ARMC1: variants seen among roughly 807,000 people sequenced by gnomAD.
ARMC1 encodes the protein armadillo repeat-containing protein 1.
A neutral mutation model predicts 31.4 loss-of-function variants in ARMC1; 16 were observed. The ratio of observed to expected loss-of-function variants is 0.51; its 90% CI spans 0.34 to 0.77. ARMC1 has a LOEUF of 0.77. Among genes scored for constraint, ARMC1 ranks in the 30% least tolerant of loss-of-function variants. ARMC1 has a pLI of 0.01. For missense variants in ARMC1, 259 were observed against 347.5 expected, an observed-to-expected ratio of 0.75 and a Z score of 2.02; for synonymous variants, 114 against 118.9, an observed-to-expected ratio of 0.96 and a Z score of 0.27.
chr8:65,614,653 C>A (rs1808212973), intron 3 of ARMC1, among the ~76,000 whole-genome samples: 1 of 152,208 alleles, frequency 6.6e-6, no homozygotes, highest in Admixed American at 6.5e-5. Context: ...TCCATCAGCT[C>A]ATTTTGTCCT....
chr8:65,615,861 C>T (rs1316548251), intron 3 of ARMC1, among the ~76,000 whole-genome samples: 1 of 151,906 alleles, frequency 6.6e-6, no homozygotes, highest in Non-Finnish European at 1.5e-5. Flanking sequence ...TGCCATTGCA[C>T]TCCAGCGTGG....
At chr8:65,608,864 G>T (rs998976111) in intron 4 of ARMC1, among the ~76,000 whole-genome samples, 1 of 151,872 alleles carries the variant, frequency 6.6e-6, no homozygotes, top group Non-Finnish European at 1.5e-5. Flanking sequence ...AGCCAAGATC[G>T]TGTCACACTG....
intron 3 of ARMC1, 77 bp from the exon 4 acceptor site, chr8:65,613,510 CCTTGT>C: frequency 9.5e-7 from 1 of 1,053,864 alleles, no homozygotes; most frequent in Non-Finnish European, 1.3e-6. Flanking sequence ...CTAAAAGGAG[CCTTGT>C]TTCTTTTACT....
At chr8:65,616,282 G>A (rs911464218) in intron 3 of ARMC1, among the ~76,000 whole-genome samples, 13 of 152,160 alleles carry the variant, frequency 8.5e-5, no homozygotes, top group Non-Finnish European at 1.5e-5. Context: ...GCAGGCACGC[G>A]CTGCCACGCC....
Position 65,604,131 on chromosome 8 carries a change from A to G in ARMC1, c.*263T>C. 1 of 334,002 alleles carries G rather than the reference A, an allele frequency of 3.0e-6. No homozygotes were observed. Among genetic ancestry groups the G allele is most frequent in the Non-Finnish European group, 5.5e-6 (1 of 180,794 alleles). The allele number at this position is 334,002 out of a possible 1,614,324, so 20.7% of individuals were successfully genotyped here. On this transcript the variant is annotated 3_prime_UTR_variant, in exon 7 of 7. Transcript: ENST00000276569. Reference sequence around the variant, plus strand: ...CACATGTGGTTTTAACAGTGGACCCATGGTTTTTAAATATGAGGCAATTAA... The same window carrying G: ...CACATGTGGTTTTAACAGTGGACCCGTGGTTTTTAAATATGAGGCAATTAA...
intron 3 of ARMC1, among the ~76,000 whole-genome samples, chr8:65,620,157 T>G (rs1231102313): frequency 6.6e-6 from 1 of 151,270 alleles, no homozygotes; most frequent in Non-Finnish European, 1.5e-5. Flanking sequence ...AAAGAAAAAT[T>G]TTAGAGCAGC....
At chr8:65,631,883 T>TAAAAAAAAAAAAA (rs61273646) in intron 1 of ARMC1, among the ~76,000 whole-genome samples, 1 of 140,058 alleles carries the variant, frequency 7.1e-6, no homozygotes, top group African/African-American at 2.7e-5. Context: ...CCCTGTCTCT[T>TAAAAAAAAAAAAA]AAAAAAAAAA....
rs1215845044 is a variant in ARMC1, at chr8:65,627,286, T to C, written c.113A>G (p.Gln38Arg). 1.9e-6 allele frequency: 3 copies of C among 1,613,262 alleles called. No homozygotes were observed. Among genetic ancestry groups the C allele is most frequent in the East Asian group, 2.2e-5 (1 of 44,870 alleles). ...TAAAATAAGGCCAGGCAGACATCCC[T>C]GATCCTGGACGATGGCTCTTCTGTT... Reference protein sequence around the residue: ...PLNRRAIVQDQGCLPGLILFM... With the variant: ...PLNRRAIVQDRGCLPGLILFM... The change falls in exon 2 of 7, where the codon CAG becomes CGG. Residue 38 changes from glutamine to arginine, a missense_variant. This residue lies in a region of ARMC1 where 163 missense variants were observed against 186.7 expected (regional missense o/e 0.87). Transcript: ENST00000276569.
intron 1 of ARMC1, among the ~76,000 whole-genome samples, chr8:65,632,505 C>T (rs1808667478): frequency 6.6e-6 from 1 of 151,908 alleles, no homozygotes; most frequent in South Asian, 2.1e-4. Context: ...CCCAGCTACT[C>T]GGGAGGCTGG....
At chr8:65,633,786 G>A (rs895676560) in intron 1 of ARMC1, 3 of 152,428 alleles carry the variant, frequency 2.0e-5, no homozygotes, top group East Asian at 3.9e-4. Flanking sequence ...CAGATGTGAG[G>A]GGGGACAAAG....
chr8:65,627,284 C>G lies in ARMC1; in HGVS notation c.115G>C (p.Gly39Arg). The change falls in exon 2 of 7, where the codon GGA (glycine) becomes CGA (arginine). Residue 39 changes from glycine (G) to arginine (R), a missense_variant. Around this residue, in one of 3 missense-constraint regions of ARMC1, gnomAD observed 163 missense variants for 186.7 expected, o/e 0.87. Transcript: ENST00000276569. The stretch of plus-strand genomic sequence containing the variant: ...AATAAAATAAGGCCAGGCAGACATC[C>G]CTGATCCTGGACGATGGCTCTTCTG... ...LNRRAIVQDQ[G>R]CLPGLILFMD... 6.2e-7 allele frequency: 1 copy of G among 1,613,216 alleles called. No homozygotes were observed.
At chr8:65,619,801 T>C (rs549183357) in intron 3 of ARMC1, among the ~76,000 whole-genome samples, 1 of 151,970 alleles carries the variant, frequency 6.6e-6, no homozygotes, top group South Asian at 2.1e-4. Flanking sequence ...CTGGCCAACA[T>C]GGTCAAATCC....
intron 3 of ARMC1, among the ~76,000 whole-genome samples, chr8:65,618,113 G>T (rs990007509): frequency 2.6e-5 from 4 of 151,944 alleles, no homozygotes; most frequent in African/African-American, 9.7e-5. Context: ...ATGGGGTTTC[G>T]CCATGTTGGT....
At chr8:65,607,574 G>C (rs995965877) in intron 4 of ARMC1, among the ~76,000 whole-genome samples, 1 of 152,146 alleles carries the variant, frequency 6.6e-6, no homozygotes. Context: ...CTAGCTCCAA[G>C]AGAGCAAAAA....
intron 2 of ARMC1, among the ~76,000 whole-genome samples, chr8:65,626,554 T>G (rs149185902): frequency 6.4e-4 from 97 of 151,938 alleles, no homozygotes; most frequent in African/African-American, 2.2e-3. Context: ...TTTAAATGAG[T>G]GAATTATATG....
At chr8:65,608,456 G>T (rs534589008) in intron 4 of ARMC1, among the ~76,000 whole-genome samples, 1 of 151,980 alleles carries the variant, frequency 6.6e-6, no homozygotes, top group East Asian at 1.9e-4. Flanking sequence ...TTGAACCCAG[G>T]GGGTGGAGGT....
At position 65,602,966 on chromosome 8, in the gene ARMC1, T is replaced by C. The variant is rs2129040326; in HGVS notation, c.*1428A>G. On this transcript the variant is annotated 3_prime_UTR_variant, in exon 7 of 7. Transcript: ENST00000276569. ...GTGAACTCAAGACTCTCACTGATGA[T>C]GGTATTTTACAATGAAAACACAAGG... 1 of 152,292 alleles carries C rather than the reference T, an allele frequency of 6.6e-6. No homozygotes were observed. The highest frequency in any genetic ancestry group is 2.1e-4 in the South Asian group (1 of 4,828). The allele number at this position is 152,292 out of a possible 1,614,324, so 9.4% of individuals were successfully genotyped here.
rs1167076495 is a variant in ARMC1, at chr8:65,603,026, T to A, written c.*1368A>T. 4 of 152,282 alleles carry A rather than the reference T, an allele frequency of 2.6e-5. No homozygotes were observed. The highest frequency in any genetic ancestry group is 4.1e-4 in the South Asian group (2 of 4,826). The allele number at this position is 152,282 out of a possible 1,614,324, so 9.4% of individuals were successfully genotyped here. A position where few individuals can be genotyped will look rare whatever the true frequency, so the allele number is the denominator to read the frequency against. ...GAGGTCCAATTTTCACATCATATTCTCCAAATAGTAAAATAGCAGCTCTAC... is the reference window on the plus strand; with the variant it reads ...GAGGTCCAATTTTCACATCATATTCACCAAATAGTAAAATAGCAGCTCTAC... On this transcript the variant is annotated 3_prime_UTR_variant, in exon 7 of 7. Coordinates refer to ENST00000276569, the MANE Select transcript of ARMC1 (RefSeq NM_018120.6).
chr8:65,632,902 A>C lies in ARMC1; in HGVS notation c.-36+1096T>G, dbSNP rs188667351. 8.3e-4 allele frequency: 126 copies of C among 152,390 alleles called. 1 individual carries two copies. Among genetic ancestry groups the C allele is most frequent in the Admixed American group, 2.9e-3 (45 of 15,308 alleles). The allele number at this position is 152,390 out of a possible 1,614,324, so 9.4% of individuals were successfully genotyped here. On this transcript the variant is annotated intron_variant, in intron 1 of 6. Coordinates refer to ENST00000276569, the MANE Select transcript of ARMC1 (RefSeq NM_018120.6). The stretch of plus-strand genomic sequence containing the variant: ...ATGTGAAAAGACTTTTTATACCTTT[A>C]CTTTCTCTTGTTTAGTTCAACTTGG...
Sources: gnomAD v4.1 joint callset for allele counts (sites outside exome capture counted in the v4.1 genomes callset) on GRCh38, gnomAD v4.1.1 for gene constraint, gnomAD v4.1.1 regional missense constraint, MANE v1.5 for transcripts, NCBI Gene and HGNC (gene_info 2026-07-23, HGNC 2026-07-21) for gene names.